The following CELF4 variants were observed in gnomAD, a reference collection of about 807,000 sequenced individuals.
CELF4 encodes the protein CUGBP Elav-like family member 4, also known as CUG-BP- and ETR-3-like factor 4.
CELF4 carries 18 observed loss-of-function variants against 59.9 expected under a neutral mutation model. The observed-to-expected ratio is 0.30, with a 90% confidence interval of 0.21 to 0.45. The LOEUF is 0.45. Among genes scored for constraint, CELF4 ranks in the 20% least tolerant of loss-of-function variants. CELF4 has a pLI of 1.00. For synonymous variants in CELF4, 261 were observed against 267.1 expected, an observed-to-expected ratio of 0.98 and a Z score of 0.22; for missense variants, 456 against 689.0, an observed-to-expected ratio of 0.66 and a Z score of 3.79.
chr18:37,464,395 C>T (rs769882071), intron 2 of CELF4, among the ~76,000 whole-genome samples: 1 of 152,194 alleles, frequency 6.6e-6, no homozygotes, highest in Non-Finnish European at 1.5e-5. Flanking sequence ...AGACTCCCAT[C>T]GATGCCTAGC....
At chr18:37,385,996 C>A (rs2154571513) in intron 2 of CELF4, among the ~76,000 whole-genome samples, 1 of 152,236 alleles carries the variant, frequency 6.6e-6, no homozygotes, top group South Asian at 2.1e-4. Flanking sequence ...TAATTTAATC[C>A]AAATAAACTA....
At chr18:37,294,028 C>T (rs1427255219) in intron 3 of CELF4, among the ~76,000 whole-genome samples, 1 of 152,160 alleles carries the variant, frequency 6.6e-6, no homozygotes, top group Non-Finnish European at 1.5e-5. Flanking sequence ...CACAAAGTTT[C>T]CAGAAATCTT....
intron 1 of CELF4, among the ~76,000 whole-genome samples, chr18:37,542,720 G>T (rs1360745377): frequency 6.6e-6 from 1 of 152,116 alleles, no homozygotes; most frequent in Non-Finnish European, 1.5e-5. Flanking sequence ...TTATTATTAT[G>T]ATTATGATTA....
chr18:37,368,009 G>A (rs1208946081), intron 2 of CELF4, among the ~76,000 whole-genome samples: 2 of 152,092 alleles, frequency 1.3e-5, no homozygotes, highest in Non-Finnish European at 2.9e-5. Flanking sequence ...TGCAGCCCAG[G>A]GAGGTGGGAG....
intron 2 of CELF4, among the ~76,000 whole-genome samples, chr18:37,345,052 G>T (rs1168021523): frequency 6.6e-6 from 1 of 152,218 alleles, no homozygotes; most frequent in Non-Finnish European, 1.5e-5. Flanking sequence ...CTGGGGTGGA[G>T]AATTGGAGAA....
chr18:37,378,205 C>G (rs577543377), intron 2 of CELF4, among the ~76,000 whole-genome samples: 1 of 152,304 alleles, frequency 6.6e-6, no homozygotes, highest in East Asian at 1.9e-4. Flanking sequence ...ACAGAGGCTA[C>G]GAGAGGACTG....
chr18:37,327,746 T>C (rs944760886), intron 2 of CELF4, among the ~76,000 whole-genome samples: 2 of 152,182 alleles, frequency 1.3e-5, no homozygotes, highest in South Asian at 2.1e-4. Flanking sequence ...CATGGGATCA[T>C]GGGCCCTCCT....
intron 12 of CELF4, among the ~76,000 whole-genome samples, chr18:37,248,523 A>G (rs2063465260): frequency 6.6e-6 from 1 of 151,766 alleles, no homozygotes; most frequent in Non-Finnish European, 1.5e-5. Flanking sequence ...TGCTGCTCCC[A>G]CTCTTGCTCT....
rs1400213458 is a variant in CELF4 at position 37,482,864 on chromosome 18, C to A, written c.369+2661G>T. The stretch of plus-strand genomic sequence containing the variant: ...TCTTTTCTCCTCTTTCTCTCCTCAG[C>A]GAGAAAGTGGAGGGCTGATTTTAAT... On this transcript the variant is annotated intron_variant, in intron 2 of 12. Coordinates refer to ENST00000420428, the MANE Select transcript of CELF4 (RefSeq NM_020180.4). 2.6e-5 allele frequency among the ~76,000 whole-genome samples: 4 copies of A among 152,116 alleles called. No individual in the cohort carries two copies. The East Asian group carries it at 7.7e-4, about 29-fold the overall frequency.
intron 1 of CELF4, among the ~76,000 whole-genome samples, chr18:37,526,820 A>G (rs1363264011): frequency 2.0e-5 from 3 of 151,936 alleles, no homozygotes; most frequent in East Asian, 3.9e-4. Flanking sequence ...TTGAATCCCA[A>G]CTCTGCCCTT....
intron 1 of CELF4, among the ~76,000 whole-genome samples, chr18:37,506,900 T>C (rs2099938698): frequency 1.3e-5 from 2 of 152,150 alleles, no homozygotes; most frequent in Admixed American, 1.3e-4. Flanking sequence ...CTCCTCACTT[T>C]CCGGGAGCTG....
intron 2 of CELF4, among the ~76,000 whole-genome samples, chr18:37,382,238 G>T (rs2099048413): frequency 6.6e-6 from 1 of 152,186 alleles, no homozygotes; most frequent in Non-Finnish European, 1.5e-5. Context: ...GGCACAGAGA[G>T]GATAGGCAGC....
At chr18:37,409,338 A>G (rs2099415067) in intron 2 of CELF4, among the ~76,000 whole-genome samples, 1 of 152,148 alleles carries the variant, frequency 6.6e-6, no homozygotes. Flanking sequence ...ACTGAGGGGC[A>G]AACTCACCAT....
rs5824051 is a variant in CELF4 at position 37,343,329 on chromosome 18, C to CTGTGTGTG, written c.370-21456_370-21449dup. On this transcript the variant is annotated intron_variant, in intron 2 of 12. Transcript: ENST00000420428. ...ATTGTGTTGAGAATGGGTGTTGATT[C>CTGTGTGTG]TGTGTGTGTGTGTGTGTGTGTGTGT... 4.4e-3 allele frequency among the ~76,000 whole-genome samples: 560 copies of CTGTGTGTG among 127,038 alleles called. 7 individuals carry two copies. The highest frequency in any genetic ancestry group is 7.6e-3 in the East Asian group (32 of 4,224). 83.3% of individuals were successfully genotyped at this position (127,038 alleles called of 152,430 possible).
intron 2 of CELF4, among the ~76,000 whole-genome samples, chr18:37,322,688 G>A (rs2097165723): frequency 6.6e-6 from 1 of 152,340 alleles, no homozygotes. Context: ...ACCAGGGTGG[G>A]CTCTACAGCC....
Position 37,246,877 on chromosome 18 carries a change from A to G in CELF4, c.*45-1680T>C, listed in dbSNP as rs1362241091. On this transcript the variant is annotated intron_variant, in intron 12 of 12. Transcript: ENST00000420428. This position sits in a 1 kb window ranked among gnomAD's most constrained non-coding sequence, Gnocchi z 5.3. Reference sequence around the variant, plus strand: ...GTTCTTTTGTTTTGTTTTTTTCTCTATGTGACATCTAGAGAAGCATAAAAA... The same window carrying G: ...GTTCTTTTGTTTTGTTTTTTTCTCTGTGTGACATCTAGAGAAGCATAAAAA... 2 of 152,106 alleles carry G rather than the reference A, an allele frequency of 1.3e-5. No individual in the cohort carries two copies. The highest frequency in any genetic ancestry group is 2.9e-5 in the Non-Finnish European group (2 of 68,024). 9.4% of individuals were successfully genotyped at this position (152,106 alleles called of 1,614,324 possible).
Position 37,427,539 on chromosome 18 carries a change from T to TA in CELF4, c.369+57985dup, listed in dbSNP as rs1432509265. On this transcript the variant is annotated intron_variant, in intron 2 of 12. Transcript: ENST00000420428. Reference sequence around the variant, plus strand: ...CCTTTCCGTGGCCTCTGGGGACCCTTACAGCCCTGGCCTGTCCCTCTCTGC... The same window carrying TA: ...CCTTTCCGTGGCCTCTGGGGACCCTTAACAGCCCTGGCCTGTCCCTCTCTGC... Among the ~76,000 whole-genome samples, 5 of 152,082 alleles carry TA rather than the reference T, an allele frequency of 3.3e-5. No individual in the cohort carries two copies. The East Asian group carries it at 9.7e-4, about 29-fold the overall frequency.
chr18:37,300,787 G>A (rs1440874536), intron 3 of CELF4, among the ~76,000 whole-genome samples: 1 of 152,234 alleles, frequency 6.6e-6, no homozygotes, highest in South Asian at 2.1e-4. Context: ...TAGGTTGGAA[G>A]TCAGGACAGG....
At chr18:37,396,032 C>A (rs1442330900) in intron 2 of CELF4, among the ~76,000 whole-genome samples, 1 of 152,230 alleles carries the variant, frequency 6.6e-6, no homozygotes, top group Admixed American at 6.5e-5. Flanking sequence ...GTCCCCCCTT[C>A]TGATACTCTC....
Sources: allele counts gnomAD v4.1 joint callset (sites outside exome capture counted in the v4.1 genomes callset), GRCh38; gene constraint gnomAD v4.1.1; non-coding constraint Gnocchi (gnomAD v3.1); transcripts MANE v1.5; gene names NCBI Gene and HGNC (gene_info 2026-07-23, HGNC 2026-07-21).